OCLN: variants seen among roughly 807,000 people sequenced by gnomAD.
OCLN encodes phosphatase 1, regulatory subunit 115.
OCLN carries 21 observed loss-of-function variants against 47.9 expected under a neutral mutation model. The observed-to-expected ratio is 0.44, with a 90% CI of 0.31 to 0.63. OCLN has a LOEUF of 0.63. OCLN is among the 30% of genes least tolerant of loss of function. The pLI is 0.08. For missense variants in OCLN, 360 were observed against 571.0 expected (o/e 0.63, Z 3.77); for synonymous variants, 117 against 198.4 (o/e 0.59, Z 3.45).
chr5:69,512,510 A>G (rs1768816340), intron 3 of OCLN, among the ~76,000 whole-genome samples: 1 of 152,092 alleles, frequency 6.6e-6, no homozygotes. Context: ...GTTCTTCAAG[A>G]CTGTTTTGGC....
chr5:69,510,233 A>G (rs566307116), intron 3 of OCLN, among the ~76,000 whole-genome samples: 1 of 152,256 alleles, frequency 6.6e-6, no homozygotes, highest in East Asian at 1.9e-4. Flanking sequence ...GGTCTTTGTG[A>G]TGGGCTTCTT....
chr5:69,510,031 A>G (rs962697974), intron 3 of OCLN, among the ~76,000 whole-genome samples: 5 of 152,240 alleles, frequency 3.3e-5, no homozygotes, highest in African/African-American at 4.8e-5. Flanking sequence ...GGTTTTTAAT[A>G]TATTCACAGA....
At position 69,509,343 on chromosome 5, in the gene OCLN, T is replaced by C. The variant is rs1768704826; in HGVS notation, c.253T>C (p.Ser85Pro). 6.2e-7 allele frequency: 1 copy of C among 1,614,056 alleles called. No individual in the cohort carries two copies. The highest frequency in any genetic ancestry group is 8.5e-7 in the Non-Finnish European group (1 of 1,180,038). Residue 85 changes from serine to proline, a missense_variant, in exon 3 of 9, where the codon TCC becomes CCC. Physicochemically the swap from Ser to Pro is moderately conservative, Grantham distance 74 (BLOSUM62 -1). Transcript: ENST00000396442. The stretch of plus-strand genomic sequence containing the variant: ...CATTGCCATCTTTGCCTGTGTGGCC[T>C]CCACGCTTGCCTGGGACAGAGGCTA... ...MCIAIFACVA[S>P]TLAWDRGYGT...
At chr5:69,507,970 C>T (rs998881149) in intron 2 of OCLN, among the ~76,000 whole-genome samples, 6 of 152,122 alleles carry the variant, frequency 3.9e-5, no homozygotes, top group South Asian at 2.1e-4. Context: ...TACTTCATCA[C>T]GTGATTGATG....
chr5:69,522,334 G>A (rs1260025876), intron 4 of OCLN, among the ~76,000 whole-genome samples: 3 of 151,964 alleles, frequency 2.0e-5, no homozygotes, highest in African/African-American at 4.8e-5. Flanking sequence ...TCAGTCCTTG[G>A]TACATTTTAA....
At position 69,493,529 on chromosome 5, in the gene OCLN, T is replaced by C. The variant is rs1768202606; in HGVS notation, c.-69+629T>C. On this transcript the variant is annotated intron_variant, in intron 1 of 8. Transcript: ENST00000396442. This position sits in a 1 kb window ranked among gnomAD's most constrained non-coding sequence, Gnocchi z 5.3. ...TGCGAGTTGTGTGAACCCGCGTCGA[T>C]TTAAGCTGGGGGGCGGGGAGTTAAT... Among the ~76,000 whole-genome samples the C allele has an allele frequency of 6.6e-6, 1 of 152,030 alleles. No homozygotes were observed. The highest frequency in any genetic ancestry group is 1.5e-5 in the Non-Finnish European group (1 of 67,978).
intron 1 of OCLN, among the ~76,000 whole-genome samples, chr5:69,494,664 A>G (rs925824906): frequency 6.6e-6 from 1 of 152,184 alleles, no homozygotes; most frequent in African/African-American, 2.4e-5. Context: ...GTAAGACATG[A>G]TTCTCCACCT....
intron 4 of OCLN, among the ~76,000 whole-genome samples, chr5:69,523,225 T>G (rs1407681131): frequency 1.3e-5 from 2 of 152,236 alleles, no homozygotes; most frequent in Admixed American, 1.3e-4. Context: ...ACTGAAATTG[T>G]GTTTTCTGAA....
chr5:69,511,807 C>T (rs1768795674), intron 3 of OCLN, among the ~76,000 whole-genome samples: 1 of 152,022 alleles, frequency 6.6e-6, no homozygotes, highest in Admixed American at 6.6e-5. Flanking sequence ...GGCGGATCAC[C>T]TGAGGTCAGG....
At chr5:69,494,197 G>C (rs1343039865) in intron 1 of OCLN, among the ~76,000 whole-genome samples, 1 of 152,286 alleles carries the variant, frequency 6.6e-6, no homozygotes, top group East Asian at 1.9e-4. Context: ...GTGTGTGTGT[G>C]TGTGTGTGTT....
intron 4 of OCLN, among the ~76,000 whole-genome samples, chr5:69,516,466 C>T (rs1005894669): frequency 2.6e-5 from 4 of 151,870 alleles, no homozygotes; most frequent in Non-Finnish European, 5.9e-5. Flanking sequence ...AGCTTCGGCT[C>T]GGCATCAGTG....
chr5:69,515,530 G>T (rs1768921676), intron 4 of OCLN, among the ~76,000 whole-genome samples: 1 of 146,358 alleles, frequency 6.8e-6, no homozygotes. Context: ...TGGCCGGGCG[G>T]GGGGCTGACC....
chr5:69,500,589 A>G (rs983956437), intron 1 of OCLN, among the ~76,000 whole-genome samples: 5 of 151,974 alleles, frequency 3.3e-5, no homozygotes, highest in African/African-American at 4.8e-5. Context: ...TTTAGTAGAG[A>G]TAGGGTTTCA....
At chr5:69,501,881 T>C (rs1768467789) in intron 1 of OCLN, among the ~76,000 whole-genome samples, 1 of 152,120 alleles carries the variant, frequency 6.6e-6, no homozygotes, top group African/African-American at 2.4e-5. Flanking sequence ...AGATTTGAAA[T>C]ACACTGTCCT....
intron 1 of OCLN, chr5:69,502,412 C>G (rs1768486399): frequency 6.6e-6 from 1 of 152,182 alleles, no homozygotes; most frequent in South Asian, 2.1e-4. Context: ...TTACCTTCAA[C>G]TTGAAAGCAC....
chr5:69,506,014 C>G (rs1768588970), intron 2 of OCLN, among the ~76,000 whole-genome samples: 1 of 152,204 alleles, frequency 6.6e-6, no homozygotes, highest in South Asian at 2.1e-4. Context: ...GCCACAAGCT[C>G]AGGTTGTGGC....
intron 1 of OCLN, among the ~76,000 whole-genome samples, chr5:69,499,935 T>G (rs1768409381): frequency 6.6e-6 from 1 of 152,160 alleles, no homozygotes; most frequent in African/African-American, 2.4e-5. Flanking sequence ...ATTCCCGCAT[T>G]TGAGTGCACT....
chr5:69,521,668 T>G (rs1769141787), intron 4 of OCLN, among the ~76,000 whole-genome samples: 1 of 152,206 alleles, frequency 6.6e-6, no homozygotes, highest in South Asian at 2.1e-4. Context: ...GATTACCAAG[T>G]TGCATTGTTT....
chr5:69,533,008 T>A (rs1370914033), intron 4 of OCLN, among the ~76,000 whole-genome samples: 2 of 145,134 alleles, frequency 1.4e-5, no homozygotes, highest in Non-Finnish European at 3.0e-5. Flanking sequence ...TATGTGTGTG[T>A]GTGTGTGTGT....
Sources: gnomAD v4.1 joint callset for allele counts (sites outside exome capture counted in the v4.1 genomes callset) on GRCh38, gnomAD v4.1.1 for gene constraint, Gnocchi (gnomAD v3.1) non-coding constraint, MANE v1.5 for transcripts, NCBI Gene and HGNC (gene_info 2026-07-23, HGNC 2026-07-21) for gene names.